Variants in TMEM217B observed in about 807,000 individuals in gnomAD.
The protein encoded by TMEM217B is putative transmembrane protein 217B.
the TMEM217B span, among the ~76,000 whole-genome samples, chr6:37,216,237 C>A: frequency 6.6e-6 from 1 of 152,132 alleles, no homozygotes; most frequent in African/African-American, 2.4e-5. Flanking sequence ...TGCCACTATA[C>A]CCGCCTAATT....
At chr6:37,220,036 G>A in the TMEM217B span, among the ~76,000 whole-genome samples, 11 of 152,108 alleles carry the variant, frequency 7.2e-5, no homozygotes, top group Non-Finnish European at 1.0e-4. Flanking sequence ...GTAACAATGA[G>A]CTAAGTATTC....
chr6:37,237,563 A>C, the TMEM217B span, among the ~76,000 whole-genome samples: 1 of 152,236 alleles, frequency 6.6e-6, no homozygotes, highest in African/African-American at 2.4e-5. Flanking sequence ...CAAAGCTTGA[A>C]TGTAACAGAA....
At chr6:37,236,197 G>T in the TMEM217B span, among the ~76,000 whole-genome samples, 6 of 152,074 alleles carry the variant, frequency 3.9e-5, no homozygotes, top group Non-Finnish European at 5.9e-5. Flanking sequence ...ATGTTGCCCA[G>T]GCTGGTCTTG....
At chr6:37,212,256 A>G in the TMEM217B span, 1 of 345,662 alleles carries the variant, frequency 2.9e-6, no homozygotes, top group South Asian at 2.2e-5. Flanking sequence ...AAAATAATTG[A>G]TCCGCACAAC....
chr6:37,215,175 C>T, the TMEM217B span: 4 of 1,610,844 alleles, frequency 2.5e-6, no homozygotes, highest in Non-Finnish European at 2.5e-6. Context: ...TCCTCTGGTA[C>T]ATTCTATTCA....
At chr6:37,231,903 T>G in the TMEM217B span, among the ~76,000 whole-genome samples, 1 of 151,576 alleles carries the variant, frequency 6.6e-6, no homozygotes, top group African/African-American at 2.4e-5. Flanking sequence ...TTCCTGACTG[T>G]GTGGCTAAAA....
the TMEM217B span, among the ~76,000 whole-genome samples, chr6:37,225,333 C>A: frequency 6.6e-6 from 1 of 152,000 alleles, no homozygotes; most frequent in African/African-American, 2.4e-5. Flanking sequence ...TATTCTGTTT[C>A]TTGGGTTGAA....
At chr6:37,248,276 A>AAT in the TMEM217B span, among the ~76,000 whole-genome samples, 1 of 152,166 alleles carries the variant, frequency 6.6e-6, no homozygotes, top group African/African-American at 2.4e-5. Flanking sequence ...TACAGTGCTT[A>AAT]ATATAGTTTA....
chr6:37,224,373 C>T, the TMEM217B span, among the ~76,000 whole-genome samples: 4 of 149,626 alleles, frequency 2.7e-5, no homozygotes, highest in South Asian at 6.4e-4. Flanking sequence ...CTGAGGTGGG[C>T]GGATCATGAG....
the TMEM217B span, among the ~76,000 whole-genome samples, chr6:37,217,120 C>G: frequency 6.6e-6 from 1 of 152,170 alleles, no homozygotes; most frequent in African/African-American, 2.4e-5. Context: ...ATGGGGAAAC[C>G]CCGTCTCTAC....
At chr6:37,257,180 G>C in the TMEM217B span, among the ~76,000 whole-genome samples, 1 of 152,136 alleles carries the variant, frequency 6.6e-6, no homozygotes, top group Non-Finnish European at 1.5e-5. Flanking sequence ...ATTGACATAG[G>C]GATTAGATCA....
At chr6:37,222,020 G>A in the TMEM217B span, among the ~76,000 whole-genome samples, 1 of 152,156 alleles carries the variant, frequency 6.6e-6, no homozygotes, top group Admixed American at 6.5e-5. Flanking sequence ...GCTATCAGCA[G>A]AGAGGATAGC....
chr6:37,247,637 C>A, the TMEM217B span, among the ~76,000 whole-genome samples: 1 of 152,082 alleles, frequency 6.6e-6, no homozygotes, highest in African/African-American at 2.4e-5. Flanking sequence ...TCACCCACTT[C>A]GGCCTCCCAA....
the TMEM217B span, among the ~76,000 whole-genome samples, chr6:37,242,023 T>G: frequency 1.3e-5 from 2 of 151,748 alleles, no homozygotes; most frequent in Admixed American, 6.6e-5. Flanking sequence ...TTTTTTTTTT[T>G]TTTTGCCTGC....
At chr6:37,218,884 G>A in the TMEM217B span, 1 of 1,614,194 alleles carries the variant, frequency 6.2e-7, no homozygotes, top group Non-Finnish European at 8.5e-7. Flanking sequence ...TTGCACCCCT[G>A]TACTTTGGTG....
At chr6:37,216,346 T>C in the TMEM217B span, among the ~76,000 whole-genome samples, 1 of 152,118 alleles carries the variant, frequency 6.6e-6, no homozygotes, top group Non-Finnish European at 1.5e-5. Context: ...CCAAAAGTAT[T>C]GGGATTACAG....
the TMEM217B span, among the ~76,000 whole-genome samples, chr6:37,247,334 G>A: frequency 2.0e-4 from 30 of 152,002 alleles, no homozygotes; most frequent in African/African-American, 6.5e-4. Flanking sequence ...AGTGGGGAAA[G>A]AGGTAGAAGT....
At chr6:37,226,558 A>C in the TMEM217B span, among the ~76,000 whole-genome samples, 1 of 150,452 alleles carries the variant, frequency 6.6e-6, no homozygotes, top group South Asian at 2.1e-4. Flanking sequence ...CGGCCACCCA[A>C]AGTGCTGGGA....
At chr6:37,219,279 C>CCCTGGATCCACCTTAGAA in the TMEM217B span, among the ~76,000 whole-genome samples, 1 of 152,140 alleles carries the variant, frequency 6.6e-6, no homozygotes, top group Non-Finnish European at 1.5e-5. Context: ...TGGTTCTCAA[C>CCCTGGATCCACCTTAGAA]CCTGGATCCA....
Sources: gnomAD v4.1 joint callset for allele counts (sites outside exome capture counted in the v4.1 genomes callset) on GRCh38, gnomAD v4.1.1 for gene constraint, MANE v1.5 for transcripts, NCBI Gene and HGNC (gene_info 2026-07-23, HGNC 2026-07-21) for gene names.